The following CADM2 variants were observed in gnomAD, a reference collection of about 807,000 sequenced individuals.
CADM2 encodes the protein cell adhesion molecule 2, also known as immunoglobulin superfamily member 4D.
A neutral mutation model predicts 49.8 loss-of-function variants in CADM2; 12 were observed. The ratio of observed to expected loss-of-function variants is 0.24; its 90% CI spans 0.15 to 0.39. The LOEUF (loss-of-function observed/expected upper bound fraction) is 0.39. Among genes scored for constraint, CADM2 ranks in the 10% least tolerant of loss-of-function variants. CADM2 has a pLI of 1.00. For synonymous variants in CADM2, 214 were observed against 175.4 expected (o/e 1.22, Z -1.74); for missense variants, 378 against 492.3 (o/e 0.77, Z 2.20).
At chr3:85,876,585 A>AT (rs1436852396) in intron 3 of CADM2, among the ~76,000 whole-genome samples, 3 of 152,156 alleles carry the variant, frequency 2.0e-5, no homozygotes, top group Admixed American at 6.5e-5. Flanking sequence ...ATGGAATATG[A>AT]TTTTTTGTCA....
intron 1 of CADM2, among the ~76,000 whole-genome samples, chr3:85,213,408 C>A (rs1173017641): frequency 6.6e-6 from 1 of 151,900 alleles, no homozygotes; most frequent in Non-Finnish European, 1.5e-5. Context: ...CTCTCCTGGC[C>A]TATAAGATTT....
chr3:85,138,852 A>G (rs781069525), intron 1 of CADM2, among the ~76,000 whole-genome samples: 2 of 152,162 alleles, frequency 1.3e-5, no homozygotes, highest in African/African-American at 2.4e-5. Context: ...TTTTACAGTA[A>G]AAGTATGAGA....
At chr3:85,606,774 G>A (rs2063550888) in intron 1 of CADM2, among the ~76,000 whole-genome samples, 1 of 152,012 alleles carries the variant, frequency 6.6e-6, no homozygotes, top group Admixed American at 6.6e-5. Context: ...GCGAGTGGAA[G>A]AATATATAAA....
chr3:85,131,336 A>G (rs1032793607), intron 1 of CADM2, among the ~76,000 whole-genome samples: 1 of 152,264 alleles, frequency 6.6e-6, no homozygotes, highest in African/African-American at 2.4e-5. Context: ...GGACAATGAG[A>G]ATATGTAAGT....
chr3:85,090,482 C>T (rs2037554218), intron 1 of CADM2, among the ~76,000 whole-genome samples: 1 of 152,078 alleles, frequency 6.6e-6, no homozygotes, highest in Admixed American at 6.6e-5. Flanking sequence ...TTTCTATGCA[C>T]TAATAATAAT....
At chr3:85,543,185 C>T (rs2061582765) in intron 1 of CADM2, among the ~76,000 whole-genome samples, 1 of 151,696 alleles carries the variant, frequency 6.6e-6, no homozygotes, top group African/African-American at 2.4e-5. Context: ...TACAAAACAA[C>T]AGGTACCTTG....
At chr3:85,255,572 C>T (rs1264090867) in intron 1 of CADM2, among the ~76,000 whole-genome samples, 1 of 151,874 alleles carries the variant, frequency 6.6e-6, no homozygotes, top group Non-Finnish European at 1.5e-5. Context: ...AAAGTATCTA[C>T]TTTATTAGAT....
At chr3:86,031,189 C>G (rs1307682761) in intron 8 of CADM2, among the ~76,000 whole-genome samples, 1 of 151,708 alleles carries the variant, frequency 6.6e-6, no homozygotes, top group African/African-American at 2.4e-5. Flanking sequence ...ATGAGGCATT[C>G]ATGCACTTGC....
In CADM2 at chr3:85,250,940, T is replaced by C. The variant is rs1034154439; in HGVS notation, c.61+291272T>C. ...GGTGTGATGTATGGTGAGTTTCTTA[T>C]GTTGCTGTTTTCATTCCAAAATGTT... On this transcript the variant is annotated intron_variant, in intron 1 of 9. Transcript: ENST00000383699. 2.6e-5 allele frequency among the ~76,000 whole-genome samples: 4 copies of C among 151,824 alleles called. No individual in the cohort carries two copies. In the South Asian group the frequency reaches 8.3e-4, roughly 31 times the overall value.
At chr3:85,040,431 T>G (rs780546058) in intron 1 of CADM2, among the ~76,000 whole-genome samples, 13 of 152,120 alleles carry the variant, frequency 8.5e-5, no homozygotes, top group Non-Finnish European at 1.5e-4. Flanking sequence ...ACTGAAGTGA[T>G]AGAAACTCAT....
chr3:86,011,031 A>G (rs1731443243), intron 8 of CADM2, among the ~76,000 whole-genome samples: 1 of 152,066 alleles, frequency 6.6e-6, no homozygotes. Flanking sequence ...TCGTATATCT[A>G]CTAGTTGTAT....
At chr3:85,482,622 T>G (rs2039260278) in intron 1 of CADM2, among the ~76,000 whole-genome samples, 1 of 151,878 alleles carries the variant, frequency 6.6e-6, no homozygotes, top group African/African-American at 2.4e-5. Flanking sequence ...TTTAGTTTGA[T>G]ATTTTAAAAG....
intron 1 of CADM2, among the ~76,000 whole-genome samples, chr3:85,372,536 A>C (rs2033325816): frequency 6.6e-6 from 1 of 152,004 alleles, no homozygotes; most frequent in African/African-American, 2.4e-5. Flanking sequence ...GTCATCTAGA[A>C]ACAATTTTAA....
intron 1 of CADM2, among the ~76,000 whole-genome samples, chr3:85,012,152 G>GA (rs200619630): frequency 0.045 from 6,704 of 149,688 alleles, 184 homozygotes; most frequent in African/African-American, 0.068. Context: ...TAGTTTTGAT[G>GA]AAAAAAAATG....
chr3:85,606,370 A>C (rs1298692417), intron 1 of CADM2, among the ~76,000 whole-genome samples: 1 of 152,052 alleles, frequency 6.6e-6, no homozygotes, highest in Admixed American at 6.6e-5. Flanking sequence ...TTCCCAAACA[A>C]CTGGAATCTA....
Position 85,317,877 on chromosome 3 carries a change from A to T in CADM2, c.61+358209A>T, listed in dbSNP as rs141545705. 1.3e-3 allele frequency among the ~76,000 whole-genome samples: 203 copies of T among 152,368 alleles called. 2 individuals carry two copies. The highest frequency in any genetic ancestry group is 4.4e-3 in the African/African-American group (185 of 41,596). ...ATATTTGATAACAGAGCAATATGAA[A>T]GAGACTATAGAATAAGAAGGTTTGA... On this transcript the variant is annotated intron_variant, in intron 1 of 9. Coordinates refer to ENST00000383699, the MANE Select transcript of CADM2 (RefSeq NM_001167675.2).
chr3:85,130,750 C>T (rs2039200398), intron 1 of CADM2, among the ~76,000 whole-genome samples: 1 of 152,126 alleles, frequency 6.6e-6, no homozygotes, highest in Non-Finnish European at 1.5e-5. Flanking sequence ...CCTTAAGTTA[C>T]TGATAGAAAG....
intron 1 of CADM2, among the ~76,000 whole-genome samples, chr3:85,607,043 G>A (rs919840916): frequency 2.0e-5 from 3 of 151,882 alleles, no homozygotes; most frequent in Admixed American, 6.6e-5. Flanking sequence ...CCTAAAAACT[G>A]GATGCCAGTT....
At chr3:85,182,638 AT>A (rs2040964376) in intron 1 of CADM2, among the ~76,000 whole-genome samples, 1 of 152,130 alleles carries the variant, frequency 6.6e-6, no homozygotes, top group South Asian at 2.1e-4. Flanking sequence ...TAAACATACT[AT>A]CATTATGTAA....
Sources: gnomAD v4.1 joint callset for allele counts (sites outside exome capture counted in the v4.1 genomes callset) on GRCh38, gnomAD v4.1.1 for gene constraint, MANE v1.5 for transcripts, NCBI Gene and HGNC (gene_info 2026-07-23, HGNC 2026-07-21) for gene names.